DNAI1: variants seen among roughly 807,000 people sequenced by gnomAD.
DNAI1 encodes dynein, axonemal, intermediate polypeptide 1.
A neutral mutation model predicts 92.0 loss-of-function variants in DNAI1; 67 were observed. The observed-to-expected ratio is 0.73, with a 90% CI of 0.60 to 0.89. The LOEUF is 0.89. DNAI1 is among the 40% of genes least tolerant of loss of function. The pLI is 0.00. For missense variants in DNAI1, 839 were observed against 866.6 expected (o/e 0.97, Z 0.40); for synonymous variants, 323 against 319.6 (o/e 1.01, Z -0.11).
intron 2 of DNAI1, among the ~76,000 whole-genome samples, chr9:34,484,805 G>A (rs1824438852): frequency 6.6e-6 from 1 of 152,192 alleles, no homozygotes; most frequent in Non-Finnish European, 1.5e-5. Context: ...GCCTTTGGCT[G>A]TTAGTCCTAA....
At chr9:34,469,776 C>G (rs115591840) in intron 1 of DNAI1, among the ~76,000 whole-genome samples, 1,706 of 152,182 alleles carry the variant, frequency 0.011, 35 homozygotes, top group African/African-American at 0.039. Context: ...GACAGCGTTT[C>G]ACTATGTTGG....
intron 19 of DNAI1, among the ~76,000 whole-genome samples, chr9:34,519,175 C>A (rs1357202663): frequency 1.3e-5 from 2 of 152,144 alleles, no homozygotes; most frequent in African/African-American, 4.8e-5. Flanking sequence ...AAAACAAAAT[C>A]CTCTGGGCAT....
chr9:34,512,052 C>T, intron 13 of DNAI1, 57 bp from the exon 14 acceptor site: 2 of 1,559,412 alleles, frequency 1.3e-6, no homozygotes, highest in African/African-American at 1.4e-5. Context: ...GCTCTGCCCA[C>T]AGCCCTAACT....
At chr9:34,471,402 G>A (rs1420624940) in intron 1 of DNAI1, among the ~76,000 whole-genome samples, 1 of 150,302 alleles carries the variant, frequency 6.7e-6, no homozygotes, top group East Asian at 1.9e-4. Flanking sequence ...TCTGGCCTGG[G>A]CAACAGAGTG....
intron 1 of DNAI1, among the ~76,000 whole-genome samples, chr9:34,469,913 T>C (rs1824107807): frequency 6.6e-6 from 1 of 152,128 alleles, no homozygotes; most frequent in East Asian, 1.9e-4. Context: ...CAGATGACTG[T>C]TTAAAGCAAA....
At chr9:34,505,468 A>T (rs1036363580) in intron 12 of DNAI1, among the ~76,000 whole-genome samples, 6 of 152,180 alleles carry the variant, frequency 3.9e-5, no homozygotes, top group African/African-American at 1.4e-4. Context: ...ACTTAATCAA[A>T]TCTGCAGAAT....
chr9:34,493,470 C>T (rs1428085977), intron 9 of DNAI1, 142 bp downstream of exon 9: 1 of 1,213,724 alleles, frequency 8.2e-7, no homozygotes, highest in Non-Finnish European at 1.2e-6. Context: ...TAGTTCTTTC[C>T]TTAGGGGAAG....
intron 18 of DNAI1, among the ~76,000 whole-genome samples, chr9:34,516,744 C>CTTTTCTTT (rs60433524): frequency 5.2e-5 from 7 of 135,062 alleles, no homozygotes; most frequent in African/African-American, 1.1e-4. Context: ...CTTTTCTTTT[C>CTTTTCTTT]TTTTTTTTTT....
At chr9:34,489,292 C>T (rs1326387682) in intron 4 of DNAI1, 31 bp from the exon 5 acceptor site, 1 of 1,613,150 alleles carries the variant, frequency 6.2e-7, no homozygotes, top group African/African-American at 1.3e-5. Flanking sequence ...TTTTAGGGAT[C>T]CCTGGTCTGA....
At chr9:34,484,596 C>T (rs1824435126) in intron 2 of DNAI1, among the ~76,000 whole-genome samples, 1 of 152,206 alleles carries the variant, frequency 6.6e-6, no homozygotes, top group Non-Finnish European at 1.5e-5. Context: ...GTTTAAGTGT[C>T]TACCAGGGAA....
chr9:34,493,351 T>C lies in DNAI1; in HGVS notation c.816+23T>C, dbSNP rs199746889. 3 of 1,613,984 alleles carry C rather than the reference T, an allele frequency of 1.9e-6. No individual in the cohort carries two copies. In the East Asian group the frequency reaches 6.7e-5, roughly 36 times the overall value. On this transcript the variant is annotated intron_variant, in intron 9 of 19. Transcript: ENST00000242317. The stretch of plus-strand genomic sequence containing the variant: ...CAGGTTTGGTGTTAGTTCCTACAGC[T>C]CTGCCACAGAATTTCTGAATGAGGC...
intron 13 of DNAI1, among the ~76,000 whole-genome samples, chr9:34,509,889 G>T (rs1480455902): frequency 7.3e-6 from 1 of 137,612 alleles, no homozygotes. Flanking sequence ...GACAGAGCGA[G>T]ACTCCGTCTC....
intron 1 of DNAI1, among the ~76,000 whole-genome samples, chr9:34,464,475 C>T (rs1054334736): frequency 3.6e-4 from 55 of 152,278 alleles, no homozygotes; most frequent in African/African-American, 1.1e-3. Flanking sequence ...CATGTACTCA[C>T]TCCTAAGATT....
rs1226868648 is a variant in DNAI1, at chr9:34,490,121, T to G, written c.498T>G (p.Ala166=). The G allele has an allele frequency of 6.2e-7, 1 of 1,613,838 alleles. No homozygotes were observed. The highest frequency in any genetic ancestry group is 1.3e-5 in the African/African-American group (1 of 74,902). ...GGAGTCAAACAGATGTGCCTGCAGCTGGGGTACAGTATAATATCGCTCTGT... is the reference window on the plus strand; with the variant it reads ...GGAGTCAAACAGATGTGCCTGCAGCGGGGGTACAGTATAATATCGCTCTGT... ...EPGSQTDVPA[A]GAAEKVTEEE... The change falls in exon 6 of 20, where the codon GCT becomes GCG. Residue 166 remains alanine, a synonymous_variant. Coordinates refer to ENST00000242317, the MANE Select transcript of DNAI1 (RefSeq NM_012144.4).
intron 1 of DNAI1, among the ~76,000 whole-genome samples, chr9:34,464,589 C>G (rs764403489): frequency 1.6e-4 from 24 of 150,410 alleles, no homozygotes; most frequent in Admixed American, 6.7e-5. Flanking sequence ...GCTCTGTGTT[C>G]CTTTCTTCCA....
chr9:34,510,529 C>T (rs141431068), intron 13 of DNAI1, among the ~76,000 whole-genome samples: 158 of 152,276 alleles, frequency 1.0e-3, no homozygotes, highest in African/African-American at 3.6e-3. Context: ...ATTCTCTTAA[C>T]CTCACTTACC....
At chr9:34,466,840 T>A (rs1442957078) in intron 1 of DNAI1, among the ~76,000 whole-genome samples, 1 of 152,230 alleles carries the variant, frequency 6.6e-6, no homozygotes, top group Non-Finnish European at 1.5e-5. Context: ...CGCTCCCTCA[T>A]AATTTTAGTC....
chr9:34,470,641 A>G (rs1184569339), intron 1 of DNAI1, among the ~76,000 whole-genome samples: 1 of 152,252 alleles, frequency 6.6e-6, no homozygotes, highest in African/African-American at 2.4e-5. Context: ...AACTAAAGGG[A>G]GAAGTAGAAA....
chr9:34,515,127 C>T (rs1433686447), intron 18 of DNAI1, among the ~76,000 whole-genome samples: 1 of 152,270 alleles, frequency 6.6e-6, no homozygotes, highest in African/African-American at 2.4e-5. Context: ...TCTCCATCCC[C>T]GGGAGTGTGC....
Sources: gnomAD v4.1 joint callset for allele counts (sites outside exome capture counted in the v4.1 genomes callset) on GRCh38, gnomAD v4.1.1 for gene constraint, MANE v1.5 for transcripts, NCBI Gene and HGNC (gene_info 2026-07-23, HGNC 2026-07-21) for gene names.